IL1RAPL2: variants seen among roughly 807,000 people sequenced by gnomAD.
The protein encoded by IL1RAPL2 is X-linked interleukin-1 receptor accessory protein-like 2.
A neutral mutation model predicts 44.1 loss-of-function variants in IL1RAPL2; 3 were observed. The ratio of observed to expected loss-of-function variants is 0.07; its 90% confidence interval spans 0.03 to 0.18. IL1RAPL2 has a LOEUF of 0.18. Ranked by LOEUF, IL1RAPL2 falls within the 10% of genes least tolerant of loss-of-function variation. IL1RAPL2 has a pLI of 1.00. For missense variants in IL1RAPL2, 391 were observed against 496.4 expected, an observed-to-expected ratio of 0.79 and a Z score of 2.02; for synonymous variants, 181 against 178.8, an observed-to-expected ratio of 1.01 and a Z score of -0.10.
At chrX:105,547,072 T>C (rs2036807950) in intron 6 of IL1RAPL2, among the ~76,000 whole-genome samples, 1 of 112,404 alleles carries the variant, frequency 8.9e-6, no homozygotes, top group South Asian at 3.7e-4. Flanking sequence ...AGATGAATTA[T>C]ACCTCCTGCA....
At chrX:104,680,239 A>G (rs1343045006) in intron 2 of IL1RAPL2, among the ~76,000 whole-genome samples, 6 of 111,675 alleles carry the variant, frequency 5.4e-5, no homozygotes, top group African/African-American at 2.0e-4. Flanking sequence ...ACTCCTATTA[A>G]TGGGTCTTAG....
chrX:104,856,061 T>G (rs748113815), intron 2 of IL1RAPL2, among the ~76,000 whole-genome samples: 1 of 111,205 alleles, frequency 9.0e-6, no homozygotes, highest in East Asian at 2.8e-4. Flanking sequence ...GTTAAATATC[T>G]GATCAAGTGC....
intron 2 of IL1RAPL2, among the ~76,000 whole-genome samples, chrX:105,078,093 G>A (rs1309060374): frequency 8.9e-6 from 1 of 111,890 alleles, no homozygotes; most frequent in Non-Finnish European, 1.9e-5. Flanking sequence ...CGTTCCTTTG[G>A]AGGAGGAGAG....
chrX:104,845,634 G>A (rs1181089928), intron 2 of IL1RAPL2, among the ~76,000 whole-genome samples: 3 of 111,830 alleles, frequency 2.7e-5, no homozygotes, highest in African/African-American at 9.7e-5. Context: ...GTGTAAGGTT[G>A]TGGCTTTCGC....
At chrX:105,120,647 G>A (rs2032914194) in intron 2 of IL1RAPL2, among the ~76,000 whole-genome samples, 1 of 111,106 alleles carries the variant, frequency 9.0e-6, no homozygotes, top group South Asian at 3.8e-4. Flanking sequence ...GGTTTCTTTG[G>A]GCAATATTTC....
At chrX:105,047,454 A>G (rs935740576) in intron 2 of IL1RAPL2, among the ~76,000 whole-genome samples, 32 of 111,711 alleles carry the variant, frequency 2.9e-4, no homozygotes, top group African/African-American at 9.1e-4. Flanking sequence ...ACTTACTATT[A>G]TTTTGGCAAG....
chrX:104,724,543 T>C (rs772327889), intron 2 of IL1RAPL2, among the ~76,000 whole-genome samples: 1 of 111,108 alleles, frequency 9.0e-6, no homozygotes, highest in South Asian at 3.7e-4. Context: ...GAAAACCCAA[T>C]GCAGATTTAA....
chrX:104,757,241 A>G (rs1932354831), intron 2 of IL1RAPL2, among the ~76,000 whole-genome samples: 1 of 111,611 alleles, frequency 9.0e-6, no homozygotes, highest in Admixed American at 9.5e-5. Flanking sequence ...TGAATGTGGG[A>G]TATGAGAGAA....
At chrX:104,671,722 A>AT (rs1264329960) in intron 2 of IL1RAPL2, among the ~76,000 whole-genome samples, 1 of 112,061 alleles carries the variant, frequency 8.9e-6, no homozygotes, top group African/African-American at 3.2e-5. Flanking sequence ...AGATAATTGA[A>AT]TAGATGCTTG....
chrX:105,162,582 T>A (rs1194997546), intron 2 of IL1RAPL2, among the ~76,000 whole-genome samples: 1 of 112,433 alleles, frequency 8.9e-6, no homozygotes, highest in East Asian at 2.8e-4. Flanking sequence ...TTTAAAATGC[T>A]TAATAAGAGA....
chrX:105,327,002 T>A (rs1603067393), intron 5 of IL1RAPL2, among the ~76,000 whole-genome samples: 2 of 112,322 alleles, frequency 1.8e-5, no homozygotes, highest in East Asian at 5.6e-4. Context: ...AAAGCCAATC[T>A]GACACCAAGT....
Position 104,855,681 on chromosome X carries a change from G to GTGTTTTTTTTTTTTTTTTTTT in IL1RAPL2, c.82+196687_82+196688insGTTTTTTTTTTTTTTTTTTTT. Among the ~76,000 whole-genome samples, 54 of 53,859 alleles carry GTGTTTTTTTTTTTTTTTTTTT rather than the reference G, an allele frequency of 1.0e-3. 6 individuals are homozygous for GTGTTTTTTTTTTTTTTTTTTT. The highest frequency in any genetic ancestry group is 3.0e-3 in the South Asian group (4 of 1,316). The allele number at this position is 53,859 out of a possible 115,157, so 46.8% of individuals were successfully genotyped here. A position where few individuals can be genotyped will look rare whatever the true frequency, so the allele number is the denominator to read the frequency against. ...TTAACTGTGCTAAGGATCTGGATCC[G>GTGTTTTTTTTTTTTTTTTTTT]TTTTTTTTTTTTTTTTTACTGTATC... On this transcript the variant is annotated intron_variant, in intron 2 of 10. Transcript: ENST00000372582.
At chrX:105,344,232 T>A (rs1396175910) in intron 5 of IL1RAPL2, among the ~76,000 whole-genome samples, 1 of 112,163 alleles carries the variant, frequency 8.9e-6, no homozygotes, top group Non-Finnish European at 1.9e-5. Context: ...TATGTATTCC[T>A]TTTTAAGTTG....
intron 6 of IL1RAPL2, among the ~76,000 whole-genome samples, chrX:105,665,344 CGTGTGTGTGTGTGTGT>C (rs58453498): frequency 4.1e-5 from 4 of 98,538 alleles, no homozygotes; most frequent in Non-Finnish European, 8.3e-5. Flanking sequence ...TATGCGCGTG[CGTGTGTGTGTGTGTGT>C]GTGTGTGTGT....
chrX:105,218,777 C>T (rs1556171295), intron 3 of IL1RAPL2, among the ~76,000 whole-genome samples: 1 of 107,780 alleles, frequency 9.3e-6, no homozygotes, highest in Non-Finnish European at 1.9e-5. Flanking sequence ...TACTTTCCTC[C>T]CCCTCCTCCA....
At chrX:105,089,565 T>A (rs1259734028) in intron 2 of IL1RAPL2, among the ~76,000 whole-genome samples, 1 of 111,222 alleles carries the variant, frequency 9.0e-6, no homozygotes, top group Non-Finnish European at 1.9e-5. Context: ...CCACAAAACT[T>A]ACTTGTTCTG....
chrX:105,690,242 A>T (rs1209514554), intron 6 of IL1RAPL2, among the ~76,000 whole-genome samples: 5 of 111,624 alleles, frequency 4.5e-5, no homozygotes, highest in Admixed American at 9.5e-5. Context: ...TAATAAAAAT[A>T]AAAAAATTTA....
intron 2 of IL1RAPL2, among the ~76,000 whole-genome samples, chrX:105,145,392 G>A (rs935545398): frequency 9.0e-5 from 10 of 111,553 alleles, no homozygotes; most frequent in Non-Finnish European, 1.5e-4. Context: ...CCTGTTTCCT[G>A]TAGTCCCTAA....
chrX:105,173,793 C>A (rs2033447168), intron 2 of IL1RAPL2, among the ~76,000 whole-genome samples: 1 of 107,875 alleles, frequency 9.3e-6, no homozygotes, highest in African/African-American at 3.4e-5. Context: ...AGTGCAGTGG[C>A]ATGATCTCGG....
Sources: allele counts gnomAD v4.1 joint callset (sites outside exome capture counted in the v4.1 genomes callset), GRCh38; gene constraint gnomAD v4.1.1; transcripts MANE v1.5; gene names NCBI Gene and HGNC (gene_info 2026-07-23, HGNC 2026-07-21).